VAX2: variants seen among roughly 807,000 people sequenced by gnomAD.
The protein encoded by VAX2 is ventral anterior homeobox 2.
A neutral mutation model predicts 12.5 loss-of-function variants in VAX2; 8 were observed. The observed-to-expected ratio is 0.64, with a 90% CI of 0.37 to 1.15. The LOEUF (loss-of-function observed/expected upper bound fraction) is 1.15. Among genes scored for constraint, VAX2 ranks in the 50% most tolerant of loss-of-function variants. VAX2 has a pLI of 0.01. For synonymous variants in VAX2, 183 were observed against 187.6 expected (o/e 0.98, Z 0.20); for missense variants, 476 against 412.9 (o/e 1.15, Z -1.32).
At chr2:70,905,100 C>T (rs2104757509) in intron 1 of VAX2, among the ~76,000 whole-genome samples, 1 of 152,130 alleles carries the variant, frequency 6.6e-6, no homozygotes, top group African/African-American at 2.4e-5. Flanking sequence ...CCAACAGCCA[C>T]TGGGCTTGGG....
At chr2:70,914,684 T>C (rs1441259423) in intron 1 of VAX2, among the ~76,000 whole-genome samples, 5 of 152,248 alleles carry the variant, frequency 3.3e-5, no homozygotes, top group African/African-American at 1.2e-4. Context: ...TTGTATTATA[T>C]TGATTACTAT....
At chr2:70,932,265 G>A (rs1432374519) in intron 2 of VAX2, among the ~76,000 whole-genome samples, 1 of 152,148 alleles carries the variant, frequency 6.6e-6, no homozygotes, top group Non-Finnish European at 1.5e-5. Context: ...GCACATGTGG[G>A]GTTTGGGGTG....
At chr2:70,918,183 G>A (rs1344182051) in intron 1 of VAX2, among the ~76,000 whole-genome samples, 1 of 152,194 alleles carries the variant, frequency 6.6e-6, no homozygotes, top group Non-Finnish European at 1.5e-5. Flanking sequence ...GGATGGGGAG[G>A]GAGGCCACCT....
intron 2 of VAX2, among the ~76,000 whole-genome samples, chr2:70,928,447 T>C (rs1679620385): frequency 6.6e-6 from 1 of 152,136 alleles, no homozygotes; most frequent in Non-Finnish European, 1.5e-5. Flanking sequence ...AGCCCATATG[T>C]GGCCAAGAAA....
intron 2 of VAX2, among the ~76,000 whole-genome samples, chr2:70,923,579 G>A (rs900201301): frequency 1.3e-5 from 2 of 152,200 alleles, no homozygotes; most frequent in Non-Finnish European, 2.9e-5. Context: ...GAATGGACTG[G>A]CCTAAAACCG....
chr2:70,913,757 A>G (rs1163674280), intron 1 of VAX2, among the ~76,000 whole-genome samples: 2 of 152,204 alleles, frequency 1.3e-5, no homozygotes, highest in Non-Finnish European at 2.9e-5. Flanking sequence ...TCCCCAGTAC[A>G]AGGTTTACAG....
At chr2:70,928,372 G>T (rs1208978435) in intron 2 of VAX2, among the ~76,000 whole-genome samples, 1 of 152,214 alleles carries the variant, frequency 6.6e-6, no homozygotes, top group Non-Finnish European at 1.5e-5. Flanking sequence ...TATGGGTGAG[G>T]CATGAGGCCC....
rs572792542 is a variant in VAX2 at position 70,927,419 on chromosome 2, C to G, written c.436-5348C>G. 4.0e-5 allele frequency among the ~76,000 whole-genome samples: 6 copies of G among 151,674 alleles called. No individual in the cohort carries two copies. In the East Asian group the frequency reaches 7.8e-4, roughly 20 times the overall value. ...TGCTCCAGCCCTTCAGCATTGTCCT[C>G]AGCCTCATGCTTGATGCCTCTGCCT... On this transcript the variant is annotated intron_variant, in intron 2 of 2. Coordinates refer to ENST00000234392, the MANE Select transcript of VAX2 (RefSeq NM_012476.3).
chr2:70,908,392 T>A (rs1679107925), intron 1 of VAX2, among the ~76,000 whole-genome samples: 1 of 152,186 alleles, frequency 6.6e-6, no homozygotes, highest in Non-Finnish European at 1.5e-5. Context: ...TTCTAATATG[T>A]CCTTCCAGAT....
chr2:70,930,135 C>T (rs1679661683), intron 2 of VAX2, among the ~76,000 whole-genome samples: 1 of 152,218 alleles, frequency 6.6e-6, no homozygotes, highest in African/African-American at 2.4e-5. Context: ...GATTTTGAGG[C>T]TGCAGTGAGC....
intron 1 of VAX2, among the ~76,000 whole-genome samples, chr2:70,908,290 G>A (rs1447626765): frequency 1.3e-5 from 2 of 152,168 alleles, no homozygotes; most frequent in African/African-American, 4.8e-5. Flanking sequence ...TGGGATTACA[G>A]GTGGGAGCCA....
At chr2:70,911,763 T>C (rs1490821540) in intron 1 of VAX2, among the ~76,000 whole-genome samples, 1 of 152,256 alleles carries the variant, frequency 6.6e-6, no homozygotes, top group Non-Finnish European at 1.5e-5. Context: ...GGTTTCCCAC[T>C]GGACTGCTTG....
intron 2 of VAX2, among the ~76,000 whole-genome samples, chr2:70,927,165 T>G (rs538477153): frequency 6.6e-6 from 1 of 152,230 alleles, no homozygotes; most frequent in Admixed American, 6.5e-5. Flanking sequence ...TTGCATCAAA[T>G]GCTTGATATT....
intron 1 of VAX2, among the ~76,000 whole-genome samples, chr2:70,913,576 G>C (rs1395014020): frequency 1.3e-5 from 2 of 151,930 alleles, no homozygotes; most frequent in Non-Finnish European, 2.9e-5. Flanking sequence ...CTCAGGAGGC[G>C]GATGCAGGAG....
chr2:70,906,448 A>G (rs1231583612), intron 1 of VAX2, among the ~76,000 whole-genome samples: 1 of 149,066 alleles, frequency 6.7e-6, no homozygotes, highest in African/African-American at 2.5e-5. Context: ...GTAAAGGCTC[A>G]GGGCCCTCCT....
At chr2:70,911,371 TC>T (rs1679180741) in intron 1 of VAX2, among the ~76,000 whole-genome samples, 1 of 152,166 alleles carries the variant, frequency 6.6e-6, no homozygotes, top group Non-Finnish European at 1.5e-5. Context: ...ATTCAGCTTT[TC>T]CCCCTTTTCT....
rs2104751576 is a variant in VAX2, at chr2:70,900,730, G to A, written c.109G>A (p.Asp37Asn). 1 of 1,421,660 alleles carries A rather than the reference G, an allele frequency of 7.0e-7. No individual in the cohort carries two copies. The highest frequency in any genetic ancestry group is 2.7e-5 in the Admixed American group (1 of 37,708). 88.1% of individuals were successfully genotyped at this position (1,421,660 alleles called of 1,614,324 possible). A position where few individuals can be genotyped will look rare whatever the true frequency, so the allele number is the denominator to read the frequency against. ...DRSGAGDLRA[D>N]GGGHSPTEVA... ...CAGCGGAGCGGGGGACTTGCGAGCT[G>A]ATGGCGGTGGCCACAGCCCAACGGA... Residue 37 changes from aspartate (D) to asparagine (N), a missense_variant, in exon 1 of 3, where the codon GAT becomes AAT. Coordinates refer to ENST00000234392, the MANE Select transcript of VAX2 (RefSeq NM_012476.3).
At chr2:70,926,459 G>C (rs1316059189) in intron 2 of VAX2, among the ~76,000 whole-genome samples, 1 of 152,122 alleles carries the variant, frequency 6.6e-6, no homozygotes, top group Non-Finnish European at 1.5e-5. Flanking sequence ...GTTCTCCTTG[G>C]TTTTAGAAAC....
rs1223609807 is a variant in VAX2 at position 70,926,913 on chromosome 2, T to TCA, written c.435+5629_435+5630dup. ...AAGAAGTTAAGTAACTTGACTTAAG[T>TCA]CATCTAGCTAGTTAAGGGAACCAGA... On this transcript the variant is annotated intron_variant, in intron 2 of 2. Transcript: ENST00000234392. 3.3e-5 allele frequency among the ~76,000 whole-genome samples: 5 copies of TCA among 152,200 alleles called. 1 individual carries two copies. In the East Asian group the frequency reaches 5.8e-4, roughly 18 times the overall value.
Sources: gnomAD v4.1 joint callset for allele counts (sites outside exome capture counted in the v4.1 genomes callset) on GRCh38, gnomAD v4.1.1 for gene constraint, MANE v1.5 for transcripts, NCBI Gene and HGNC (gene_info 2026-07-23, HGNC 2026-07-21) for gene names.